Variants in COPS5 observed in about 807,000 individuals in gnomAD.
COPS5 encodes COP9 signalosome subunit 5.
In COPS5, 8 loss-of-function variants were observed where a neutral mutation model predicts 44.4. The ratio of observed to expected loss-of-function variants is 0.18; its 90% CI spans 0.11 to 0.32. The LOEUF is 0.32. Ranked by LOEUF, COPS5 falls within the 10% of genes least tolerant of loss-of-function variation. COPS5 has a pLI of 1.00. For missense variants in COPS5, 159 were observed against 406.4 expected, an observed-to-expected ratio of 0.39 and a Z score of 5.23; for synonymous variants, 122 against 142.8, an observed-to-expected ratio of 0.85 and a Z score of 1.04.
At position 67,062,090 on chromosome 8, in the gene COPS5, G is replaced by C; in HGVS notation, c.-94C>G. ...TGTGGGCCTTGACCCTCCGCACCACGGGAACAAACTCTTACCTAGACTCTT... is the reference window on the plus strand; with the variant it reads ...TGTGGGCCTTGACCCTCCGCACCACCGGAACAAACTCTTACCTAGACTCTT... On this transcript the variant is annotated 5_prime_UTR_variant, in exon 1 of 8. Coordinates refer to ENST00000357849, the MANE Select transcript of COPS5 (RefSeq NM_006837.3). The C allele has an allele frequency of 6.3e-7, 1 of 1,588,888 alleles. No homozygotes were observed. The highest frequency in any genetic ancestry group is 8.5e-7 in the Non-Finnish European group (1 of 1,170,090).
chr8:67,055,798 G>A (rs534574309), intron 5 of COPS5, among the ~76,000 whole-genome samples: 24 of 149,424 alleles, frequency 1.6e-4, no homozygotes, highest in African/African-American at 3.9e-4. Flanking sequence ...CCTAGGAGGC[G>A]GAGGTTGCAG....
intron 7 of COPS5, chr8:67,045,306 TAGTC>T (rs1385919073): frequency 2.0e-5 from 3 of 152,362 alleles, no homozygotes; most frequent in African/African-American, 4.8e-5. Context: ...ACAAAAAAAT[TAGTC>T]AGGCATGATG....
intron 6 of COPS5, 38 bp from the exon 7 acceptor site, chr8:67,045,998 A>T: frequency 6.4e-7 from 1 of 1,569,070 alleles, no homozygotes; most frequent in East Asian, 2.2e-5. Flanking sequence ...GCAAAACACA[A>T]GTCTACCATT....
intron 1 of COPS5, 42 bp from the exon 2 acceptor site, chr8:67,059,487 A>G: frequency 6.8e-7 from 1 of 1,474,550 alleles, no homozygotes; most frequent in Non-Finnish European, 9.4e-7. Context: ...CCTTATATAA[A>G]GTAAAATTTC....
At chr8:67,048,096 CAA>C (rs1816721845) in intron 6 of COPS5, among the ~76,000 whole-genome samples, 1 of 151,576 alleles carries the variant, frequency 6.6e-6, no homozygotes, top group Non-Finnish European at 1.5e-5. Flanking sequence ...GACAACATGG[CAA>C]AACCCTGTCT....
At chr8:67,046,169 G>A (rs532201493) in intron 6 of COPS5, among the ~76,000 whole-genome samples, 2 of 152,312 alleles carry the variant, frequency 1.3e-5, no homozygotes, top group African/African-American at 4.8e-5. Flanking sequence ...GTAGATAGAT[G>A]TTTTCCCTTT....
Position 67,062,120 on chromosome 8 carries a change from C to T in COPS5, c.-124G>A, listed in dbSNP as rs756751737. ...CAAACTCTTACCTAGACTCTTGGGGCAGCCATGACACCTAGAACCGGAGGT... is the reference window on the plus strand; with the variant it reads ...CAAACTCTTACCTAGACTCTTGGGGTAGCCATGACACCTAGAACCGGAGGT... On this transcript the variant is annotated 5_prime_UTR_variant, in exon 1 of 8. Transcript: ENST00000357849. 1.3e-4 allele frequency: 196 copies of T among 1,550,542 alleles called. No individual in the cohort carries two copies. Among genetic ancestry groups the T allele is most frequent in the Non-Finnish European group, 1.7e-4 (191 of 1,152,248 alleles).
At chr8:67,047,923 A>G (rs1563444194) in intron 6 of COPS5, 1 of 702,290 alleles carries the variant, frequency 1.4e-6, no homozygotes, top group Non-Finnish European at 2.6e-6. Flanking sequence ...TGTAACACAT[A>G]TTTGCTATTA....
Position 67,053,214 on chromosome 8 carries a change from C to T in COPS5, c.660-1873G>A, listed in dbSNP as rs897637377. Among the ~76,000 whole-genome samples the T allele has an allele frequency of 9.2e-5, 14 of 151,778 alleles. 1 individual carries two copies. Among genetic ancestry groups the T allele is most frequent in the East Asian group, 2.0e-4 (1 of 5,060 alleles). On this transcript the variant is annotated intron_variant, in intron 5 of 7. Transcript: ENST00000357849. ...AAGTGATCGTTCTGCCATAGCCTCC[C>T]GAGTAGCTGGGATTACAGGCGCCCA...
At chr8:67,050,260 CA>C (rs1392036130) in intron 6 of COPS5, among the ~76,000 whole-genome samples, 1 of 152,192 alleles carries the variant, frequency 6.6e-6, no homozygotes, top group Non-Finnish European at 1.5e-5. Context: ...CTCGGCCTCC[CA>C]AAGTGCTGGG....
intron 6 of COPS5, among the ~76,000 whole-genome samples, chr8:67,046,466 T>C (rs1816700182): frequency 6.6e-6 from 1 of 152,192 alleles, no homozygotes; most frequent in Admixed American, 6.5e-5. Flanking sequence ...AATTTTGCTA[T>C]TGTTTTTGTG....
chr8:67,056,960 A>C (rs1307204770), intron 4 of COPS5, among the ~76,000 whole-genome samples: 1 of 151,828 alleles, frequency 6.6e-6, no homozygotes, highest in African/African-American at 2.4e-5. Flanking sequence ...AGACCTATAG[A>C]TTTAGCTTGT....
At chr8:67,046,095 AGTC>A in intron 6 of COPS5, 135 bp from the exon 7 acceptor site, 1 of 868,102 alleles carries the variant, frequency 1.2e-6, no homozygotes, top group Non-Finnish European at 1.7e-6. Flanking sequence ...CTGAGTGAAT[AGTC>A]AGTGAGGAGA....
intron 6 of COPS5, 114 bp downstream of exon 6, chr8:67,051,116 C>T: frequency 1.4e-6 from 1 of 713,618 alleles, no homozygotes; most frequent in South Asian, 1.6e-5. Flanking sequence ...CACCCTAGCC[C>T]TGGTGTCTTG....
chr8:67,062,125 A>C lies in COPS5; in HGVS notation c.-129T>G. 1 of 1,547,962 alleles carries C rather than the reference A, an allele frequency of 6.5e-7. No homozygotes were observed. The highest frequency in any genetic ancestry group is 1.2e-5 in the South Asian group (1 of 85,094). ...TCTTACCTAGACTCTTGGGGCAGCC[A>C]TGACACCTAGAACCGGAGGTGAAGT... is the stretch of plus-strand genomic sequence containing the variant. On this transcript the variant is annotated 5_prime_UTR_variant, in exon 1 of 8. The change abolishes an upstream ATG in the 5' untranslated region. Coordinates refer to ENST00000357849, the MANE Select transcript of COPS5 (RefSeq NM_006837.3).
intron 5 of COPS5, among the ~76,000 whole-genome samples, chr8:67,056,167 A>G (rs1804499782): frequency 6.6e-6 from 1 of 152,178 alleles, no homozygotes; most frequent in Non-Finnish European, 1.5e-5. Context: ...AAAATGCAAA[A>G]GAAAAAAATT....
intron 1 of COPS5, chr8:67,060,847 C>A: frequency 4.3e-6 from 1 of 232,084 alleles, no homozygotes; most frequent in Non-Finnish European, 8.7e-6. Context: ...GATGGATATA[C>A]TGTACTGGGT....
At chr8:67,051,178 C>T (rs1288079945) in intron 6 of COPS5, 52 bp downstream of exon 6, 17 of 1,155,578 alleles carry the variant, frequency 1.5e-5, no homozygotes, top group Middle Eastern at 1.9e-4. Context: ...TATTAAACGG[C>T]TATGAAGCTT....
Position 67,057,315 on chromosome 8 carries a change from T to G in COPS5, c.573+65A>C, listed in dbSNP as rs1204484290. On this transcript the variant is annotated intron_variant, in intron 4 of 7. Coordinates refer to ENST00000357849, the MANE Select transcript of COPS5 (RefSeq NM_006837.3). The stretch of plus-strand genomic sequence containing the variant: ...AGTACACTATGATCATGCCTGTGAA[T>G]AGCCACTGTACTCCAGCCTAGGTAA... 10 of 1,049,542 alleles carry G rather than the reference T, an allele frequency of 9.5e-6. No individual in the cohort carries two copies. In the East Asian group the frequency reaches 1.7e-4, roughly 18 times the overall value. The allele number at this position is 1,049,542 out of a possible 1,614,324, so 65.0% of individuals were successfully genotyped here. A position where few individuals can be genotyped will look rare whatever the true frequency, so the allele number is the denominator to read the frequency against.
Sources: allele counts gnomAD v4.1 joint callset (sites outside exome capture counted in the v4.1 genomes callset), GRCh38; gene constraint gnomAD v4.1.1; transcripts MANE v1.5; gene names NCBI Gene and HGNC (gene_info 2026-07-23, HGNC 2026-07-21).